APBA3: variants seen among roughly 807,000 people sequenced by gnomAD.
APBA3 encodes amyloid beta precursor protein binding family A member 3.
APBA3 carries 45 observed loss-of-function variants against 55.9 expected under a neutral mutation model. The observed-to-expected ratio is 0.80, with a 90% CI of 0.63 to 1.03. APBA3 has a LOEUF of 1.03. APBA3 is among the 50% of genes least tolerant of loss of function. The pLI is 0.00. For missense variants in APBA3, 865 were observed against 820.3 expected (o/e 1.05, Z -0.67); for synonymous variants, 370 against 353.3 (o/e 1.05, Z -0.53).
chr19:3,754,485 T>C (rs1368719175), intron 3 of APBA3, 145 bp from the exon 4 acceptor site: 1 of 1,113,588 alleles, frequency 9.0e-7, no homozygotes, highest in African/African-American at 1.6e-5. Flanking sequence ...CAGCCCACTG[T>C]TCTAGAACCA....
chr19:3,753,485 A>G, intron 6 of APBA3: 1 of 423,572 alleles, frequency 2.4e-6, no homozygotes, highest in Non-Finnish European at 4.2e-6. Context: ...GTGTCTCTAT[A>G]AAAAATACAA....
rs866125587 is a variant in APBA3, at chr19:3,754,335, C to A, written c.622G>T (p.Gly208Cys). ...AGGAGGTCTTCATGGTCACAGGGACCAGGCACTGAGGGCGACAGCGAAGAG... is the reference window on the plus strand; with the variant it reads ...AGGAGGTCTTCATGGTCACAGGGACAAGGCACTGAGGGCGACAGCGAAGAG... ...ASYPAPQEVP[G>C]PCDHEDLLDG... Residue 208 changes from glycine (G) to cysteine (C), a missense_variant, in exon 4 of 11, where the codon GGT becomes TGT. Gly to Cys is a radical substitution (Grantham distance 159). Transcript: ENST00000316757. The A allele has an allele frequency of 6.4e-7, 1 of 1,558,746 alleles. No individual in the cohort carries two copies. The highest frequency in any genetic ancestry group is 8.7e-7 in the Non-Finnish European group (1 of 1,154,060).
chr19:3,754,140 C>T (rs1399810762), intron 4 of APBA3, 35 bp from the exon 5 acceptor site: 3 of 1,560,740 alleles, frequency 1.9e-6, no homozygotes, highest in Admixed American at 3.8e-5. Context: ...GAGGCCCCCA[C>T]AGACCCAGCC....
At chr19:3,754,637 G>A (rs925567983) in intron 3 of APBA3, 2 of 370,264 alleles carry the variant, frequency 5.4e-6, no homozygotes, top group Non-Finnish European at 9.8e-6. Flanking sequence ...CGTGTCCCCA[G>A]AATTCCATGA....
Position 3,752,921 on chromosome 19 carries a change from C to CGTA in APBA3, c.1080_1081insTAC (p.Ser360_Gly361insTyr). 6.2e-7 allele frequency: 1 copy of CGTA among 1,613,430 alleles called. No individual in the cohort carries two copies. Reference sequence around the variant, plus strand: ...ACGCCCACCTGGCTGGGGTCAATACCGCTTTCCCGTAGGAACTGGCTGTAG... The same window carrying CGTA: ...ACGCCCACCTGGCTGGGGTCAATACCGTAGCTTTCCCGTAGGAACTGGCTGTAG... On this transcript the variant is annotated inframe_insertion, in exon 7 of 11. Transcript: ENST00000316757.
chr19:3,760,746 C>CA (rs34046514), intron 1 of APBA3, among the ~76,000 whole-genome samples: 69,112 of 116,600 alleles, frequency 0.59, 20,305 homozygotes, highest in East Asian at 0.68. Flanking sequence ...AGACTATCTC[C>CA]AAAAAAAAAA....
At chr19:3,753,276 G>T (rs1236236274) in intron 6 of APBA3, 1 of 501,742 alleles carries the variant, frequency 2.0e-6, no homozygotes, top group Non-Finnish European at 3.5e-6. Context: ...CAGCCAGGGG[G>T]CCTGGGGCCT....
rs1390001949 is a variant in APBA3, at chr19:3,753,761, T to C, written c.1011+4A>G. The C allele has an allele frequency of 2.6e-6, 4 of 1,513,542 alleles. No individual in the cohort carries two copies. The highest frequency in any genetic ancestry group is 2.7e-6 in the Non-Finnish European group (3 of 1,128,574). The allele number at this position is 1,513,542 out of a possible 1,614,324, so 93.8% of individuals were successfully genotyped here. On this transcript the variant is annotated splice_donor_region_variant and intron_variant, in intron 6 of 10. Coordinates refer to ENST00000316757, the MANE Select transcript of APBA3 (RefSeq NM_004886.4). ...GAGGGTGGCCCCGCGCCCTGGCTGCTCACGTCCTCCGCGTAGAATACGTGG... is the reference window on the plus strand; with the variant it reads ...GAGGGTGGCCCCGCGCCCTGGCTGCCCACGTCCTCCGCGTAGAATACGTGG...
intron 3 of APBA3, chr19:3,755,721 A>C (rs1165341461): frequency 6.6e-6 from 1 of 151,822 alleles, no homozygotes; most frequent in African/African-American, 2.4e-5. Context: ...ACTTGAACCC[A>C]GGAGGTGGAG....
chr19:3,750,828 C>T lies in APBA3; in HGVS notation c.*198G>A, dbSNP rs2036986175. On this transcript the variant is annotated 3_prime_UTR_variant, in exon 11 of 11. Coordinates refer to ENST00000316757, the MANE Select transcript of APBA3 (RefSeq NM_004886.4). ...TTTTCACAGCACCGGCTTCTAGTGGCTTCCAGGAAGGACAAGGTCCTCGGT... is the reference window on the plus strand; with the variant it reads ...TTTTCACAGCACCGGCTTCTAGTGGTTTCCAGGAAGGACAAGGTCCTCGGT... The T allele has an allele frequency of 2.1e-6, 2 of 975,420 alleles. No homozygotes were observed. The highest frequency in any genetic ancestry group is 3.0e-5 in the South Asian group (2 of 65,896). The allele number at this position is 975,420 out of a possible 1,614,324, so 60.4% of individuals were successfully genotyped here. A position where few individuals can be genotyped will look rare whatever the true frequency, so the allele number is the denominator to read the frequency against.
intron 1 of APBA3, 25 bp from the exon 2 acceptor site, chr19:3,760,326 A>C: frequency 6.8e-7 from 1 of 1,459,950 alleles, no homozygotes; most frequent in Non-Finnish European, 9.1e-7. Context: ...GTCAGCACTG[A>C]GGTTTCGCCC....
chr19:3,760,921 C>A (rs569492349), intron 1 of APBA3, among the ~76,000 whole-genome samples: 157 of 152,038 alleles, frequency 1.0e-3, no homozygotes, highest in African/African-American at 3.7e-3. Flanking sequence ...TTAAAAAAAA[C>A]AAACAAACCC....
chr19:3,751,350 A>T, intron 9 of APBA3, 21 bp from the exon 10 acceptor site: 1 of 1,519,246 alleles, frequency 6.6e-7, no homozygotes, highest in South Asian at 1.2e-5. Context: ...AAAGAGGGGG[A>T]CGGGAAAGAG....
chr19:3,752,903 C>G lies in APBA3; in HGVS notation c.1099G>C (p.Val367Leu). 1 of 1,613,440 alleles carries G rather than the reference C, an allele frequency of 6.2e-7. No individual in the cohort carries two copies. Among genetic ancestry groups the G allele is most frequent in the Admixed American group, 1.7e-5 (1 of 60,022 alleles). Residue 367 changes from valine (V) to leucine (L), a missense_variant, in exon 7 of 11, where the codon GTG becomes CTG. Physicochemically the swap from Val to Leu is conservative, Grantham distance 32. Transcript: ENST00000316757. ...GCGCCTGGGCTCGGGTGCACGCCCA[C>G]CTGGCTGGGGTCAATACCGCTTTCC... ...LRESGIDPSQ[V>L]GVHPSPGACH...
chr19:3,760,283 G>C lies in APBA3; in HGVS notation c.-19C>G. On this transcript the variant is annotated 5_prime_UTR_variant, in exon 2 of 11. Coordinates refer to ENST00000316757, the MANE Select transcript of APBA3 (RefSeq NM_004886.4). ...AGTCCATGCCTGGACTCCAGGCTTA[G>C]GCCGGCATCTTCAGGCAGCTGAAAG... The C allele has an allele frequency of 6.4e-7, 1 of 1,572,744 alleles. No homozygotes were observed. Among genetic ancestry groups the C allele is most frequent in the Non-Finnish European group, 8.6e-7 (1 of 1,169,236 alleles).
At position 3,756,976 on chromosome 19, in the gene APBA3, G is replaced by A. The variant is rs75460818; in HGVS notation, c.616+2585C>T. 4.5e-3 allele frequency among the ~76,000 whole-genome samples: 681 copies of A among 152,192 alleles called. 6 individuals carry two copies. The highest frequency in any genetic ancestry group is 0.015 in the African/African-American group (643 of 41,522). On this transcript the variant is annotated intron_variant, in intron 3 of 10. Coordinates refer to ENST00000316757, the MANE Select transcript of APBA3 (RefSeq NM_004886.4). The stretch of plus-strand genomic sequence containing the variant: ...TCACCAATTCTGAGCATTCTCATCA[G>A]CCCAGATTCCTTTACCCTAGAAACA...
At chr19:3,757,659 G>A (rs2037094688) in intron 3 of APBA3, among the ~76,000 whole-genome samples, 1 of 152,138 alleles carries the variant, frequency 6.6e-6, no homozygotes, top group African/African-American at 2.4e-5. Flanking sequence ...TTGAATCCGG[G>A]CGGCAGAGGT....
In APBA3 at chr19:3,760,163, G is replaced by T. The variant is rs2037127674; in HGVS notation, c.102C>A (p.Asp34Glu). 1.2e-6 allele frequency: 2 copies of T among 1,613,244 alleles called. No individual in the cohort carries two copies. The highest frequency in any genetic ancestry group is 1.7e-6 in the Non-Finnish European group (2 of 1,180,038). Residue 34 changes from aspartate (D) to glutamate (E), a missense_variant, in exon 2 of 11, where the codon GAC (aspartate) becomes GAA (glutamate). Coordinates refer to ENST00000316757, the MANE Select transcript of APBA3 (RefSeq NM_004886.4). ...ILVPSEDLTPDSQWDPMPGGP... is the reference protein window; with the variant it reads ...ILVPSEDLTPESQWDPMPGGP... ...CTCCTGGCATAGGGTCCCACTGGCT[G>T]TCAGGGGTGAGGTCCTCCGAAGGCA...
At chr19:3,758,662 A>G (rs1165862172) in intron 3 of APBA3, among the ~76,000 whole-genome samples, 8 of 151,866 alleles carry the variant, frequency 5.3e-5, no homozygotes, top group South Asian at 2.1e-4. Flanking sequence ...GGCGGATCAC[A>G]AGGTCAGGAG....
Sources: gnomAD v4.1 joint callset for allele counts (sites outside exome capture counted in the v4.1 genomes callset) on GRCh38, gnomAD v4.1.1 for gene constraint, MANE v1.5 for transcripts, NCBI Gene and HGNC (gene_info 2026-07-23, HGNC 2026-07-21) for gene names.